The following EDA variants were observed in gnomAD, a reference collection of about 807,000 sequenced individuals.
The protein encoded by EDA is ectodysplasin-A.
In EDA, 2 loss-of-function variants were observed where a neutral mutation model predicts 23.6. The ratio of observed to expected loss-of-function variants is 0.08; its 90% CI spans 0.03 to 0.27. The LOEUF is 0.27. Among genes scored for constraint, EDA ranks in the 10% least tolerant of loss-of-function variants. EDA has a pLI of 1.00. For missense variants in EDA, 229 were observed against 324.2 expected, an observed-to-expected ratio of 0.71 and a Z score of 2.26; for synonymous variants, 131 against 132.0, an observed-to-expected ratio of 0.99 and a Z score of 0.05.
intron 2 of EDA, among the ~76,000 whole-genome samples, chrX:69,961,024 AG>A (rs1382908439): frequency 0.01 from 925 of 88,318 alleles, 8 homozygotes; most frequent in African/African-American, 0.035. Flanking sequence ...ATCCAAAAAA[AG>A]AAAAAAAAAG....
At chrX:70,013,126 C>G (rs907963714) in intron 2 of EDA, among the ~76,000 whole-genome samples, 2 of 112,405 alleles carry the variant, frequency 1.8e-5, no homozygotes, top group African/African-American at 6.5e-5. Flanking sequence ...CCACCCTGCC[C>G]CTGCCTGAAC....
intron 1 of EDA, among the ~76,000 whole-genome samples, chrX:69,764,217 CCCAT>C (rs912801707): frequency 3.1e-5 from 3 of 97,176 alleles, no homozygotes; most frequent in African/African-American, 1.1e-4. Context: ...CACTACCACT[CCCAT>C]TCATTTTTTA....
chrX:69,839,609 C>T (rs1391202115), intron 1 of EDA, among the ~76,000 whole-genome samples: 1 of 112,309 alleles, frequency 8.9e-6, no homozygotes, highest in African/African-American at 3.2e-5. Context: ...TTATGACCAT[C>T]CATGTATGAT....
chrX:69,734,017 ATTTC>A (rs1797212067), intron 1 of EDA, among the ~76,000 whole-genome samples: 1 of 109,686 alleles, frequency 9.1e-6, no homozygotes, highest in African/African-American at 3.3e-5. Context: ...AATTGGTATT[ATTTC>A]TTTCTTAAAT....
chrX:69,835,684 G>A, intron 1 of EDA, among the ~76,000 whole-genome samples: 1 of 111,429 alleles, frequency 9.0e-6, no homozygotes, highest in Non-Finnish European at 1.9e-5. Context: ...GGAGAAATTT[G>A]TTATTACCCA....
At chrX:70,013,723 G>A (rs779452866) in intron 2 of EDA, among the ~76,000 whole-genome samples, 31 of 110,313 alleles carry the variant, frequency 2.8e-4, no homozygotes, top group Non-Finnish European at 5.3e-4. Context: ...CATTTCTCTG[G>A]GGTGGAGCTC....
At position 69,734,746 on chromosome X, in the gene EDA, T is replaced by C. The variant is rs765879649; in HGVS notation, c.396+118042T>C. On this transcript the variant is annotated intron_variant, in intron 1 of 7. Coordinates refer to ENST00000374552, the MANE Select transcript of EDA (RefSeq NM_001399.5). The stretch of plus-strand genomic sequence containing the variant: ...AGCATTTGGAAATTAAAGCCTATTT[T>C]ATGTTTACTGATTTCTAGTTTAATT... Among the ~76,000 whole-genome samples, 4 of 112,226 alleles carry C rather than the reference T, an allele frequency of 3.6e-5. No homozygotes were observed. The East Asian group carries it at 8.4e-4, about 24-fold the overall frequency.
chrX:70,008,438 A>G (rs1010419005), intron 2 of EDA, among the ~76,000 whole-genome samples: 13 of 112,124 alleles, frequency 1.2e-4, no homozygotes, highest in Non-Finnish European at 2.1e-4. Context: ...TTGATGAGTA[A>G]TGGGATTCAA....
intron 1 of EDA, among the ~76,000 whole-genome samples, chrX:69,641,615 T>G (rs921662168): frequency 1.8e-5 from 2 of 112,215 alleles, no homozygotes; most frequent in Non-Finnish European, 3.8e-5. Flanking sequence ...TGCAACATAA[T>G]AAAGGCAGAA....
chrX:69,889,007 T>TATATATATATATATAC (rs1233806310), intron 1 of EDA, among the ~76,000 whole-genome samples: 1 of 72,376 alleles, frequency 1.4e-5, no homozygotes, highest in African/African-American at 5.0e-5. Context: ...TATATATATA[T>TATATATATATATATAC]ATATATATAT....
chrX:69,731,927 G>A lies in EDA; in HGVS notation c.396+115223G>A, dbSNP rs2013046143. On this transcript the variant is annotated intron_variant, in intron 1 of 7. Transcript: ENST00000374552. Reference sequence around the variant, plus strand: ...AGATGCTCTTGATCAGATTAAGGCAGTTGCCTCCCATTCCTAATTTATTGA... The same window carrying A: ...AGATGCTCTTGATCAGATTAAGGCAATTGCCTCCCATTCCTAATTTATTGA... Among the ~76,000 whole-genome samples the A allele has an allele frequency of 3.6e-5, 4 of 111,290 alleles. No homozygotes were observed. The South Asian group carries it at 1.5e-3, about 42-fold the overall frequency.
chrX:69,675,765 A>G (rs1934060609), intron 1 of EDA, among the ~76,000 whole-genome samples: 2 of 111,530 alleles, frequency 1.8e-5, no homozygotes, highest in Admixed American at 1.9e-4. Context: ...AGTAAAATAC[A>G]TAGAATGTCA....
intron 2 of EDA, among the ~76,000 whole-genome samples, chrX:70,007,083 CT>C (rs1219274804): frequency 8.9e-6 from 1 of 111,763 alleles, no homozygotes; most frequent in East Asian, 2.8e-4. Flanking sequence ...GGGTCTATTT[CT>C]GTTCCATTAA....
intron 2 of EDA, among the ~76,000 whole-genome samples, chrX:69,995,180 A>G (rs1441752192): frequency 8.9e-6 from 1 of 112,299 alleles, no homozygotes; most frequent in Non-Finnish European, 1.9e-5. Flanking sequence ...GGCATTGTAT[A>G]CATCTGCCCC....
intron 1 of EDA, among the ~76,000 whole-genome samples, chrX:69,838,622 G>T (rs1422731403): frequency 8.9e-6 from 1 of 112,246 alleles, no homozygotes; most frequent in Non-Finnish European, 1.9e-5. Context: ...GCGAGACTCC[G>T]TCTCAAAAAA....
chrX:69,701,010 T>C (rs1473617369), intron 1 of EDA, among the ~76,000 whole-genome samples: 1 of 111,190 alleles, frequency 9.0e-6, no homozygotes, highest in Non-Finnish European at 1.9e-5. Context: ...GAGAGGTGGC[T>C]CAGGGTTTGG....
rs1384896686 is a variant in EDA at position 69,785,479 on chromosome X, T to C, written c.396+168775T>C. 1.7e-3 allele frequency among the ~76,000 whole-genome samples: 184 copies of C among 107,499 alleles called. 1 individual carries two copies. Among genetic ancestry groups the C allele is most frequent in the Middle Eastern group, 4.8e-3 (1 of 208 alleles). 93.3% of individuals were successfully genotyped at this position (107,499 alleles called of 115,157 possible). On this transcript the variant is annotated intron_variant, in intron 1 of 7. Transcript: ENST00000374552. ...TGAGATATGTCCCACCAATACCTAA[T>C]TTATTGAGAGTTTTTAGCATGAAGG...
chrX:69,981,094 T>C (rs2019399161), intron 2 of EDA, among the ~76,000 whole-genome samples: 1 of 111,688 alleles, frequency 9.0e-6, no homozygotes, highest in Non-Finnish European at 1.9e-5. Context: ...AGTGAATTTT[T>C]AAAGTGAAAG....
At chrX:69,678,340 T>A (rs1934187101) in intron 1 of EDA, among the ~76,000 whole-genome samples, 1 of 111,179 alleles carries the variant, frequency 9.0e-6, no homozygotes, top group Non-Finnish European at 1.9e-5. Context: ...TTAAAGTAGT[T>A]TTTTCCAATA....
Sources: allele counts gnomAD v4.1 joint callset (sites outside exome capture counted in the v4.1 genomes callset), GRCh38; gene constraint gnomAD v4.1.1; transcripts MANE v1.5; gene names NCBI Gene and HGNC (gene_info 2026-07-23, HGNC 2026-07-21).